Variants in AGBL1 observed in about 807,000 individuals in gnomAD.
AGBL1 encodes AGBL carboxypeptidase 1.
AGBL1 carries 130 observed loss-of-function variants against 118.9 expected under a neutral mutation model. That is an observed-to-expected ratio of 1.09 (90% CI 0.95 to 1.26). The LOEUF is 1.26. Ranked by LOEUF, AGBL1 falls within the 50% of genes most tolerant of loss-of-function variation. AGBL1 has a pLI of 0.00. For synonymous variants in AGBL1, 555 were observed against 478.9 expected (o/e 1.16, Z -2.08); for missense variants, 1,584 against 1,298.1 (o/e 1.22, Z -3.38).
chr15:86,944,917 A>C (rs557141685), intron 23 of AGBL1, among the ~76,000 whole-genome samples: 1 of 152,162 alleles, frequency 6.6e-6, no homozygotes, highest in African/African-American at 2.4e-5. Context: ...CAGTAGGACA[A>C]CGGCTGTAAA....
chr15:86,178,558 C>A lies in AGBL1; in HGVS notation c.488+19532C>A, dbSNP rs534119303. Among the ~76,000 whole-genome samples the A allele has an allele frequency of 2.6e-5, 4 of 152,244 alleles. No homozygotes were observed. The East Asian group carries it at 7.7e-4, about 29-fold the overall frequency. ...AAGAAGAAAAAGATAACCTATATAG[C>A]CCTATATTTGGTAATTGAATTGAAT... On this transcript the variant is annotated intron_variant, in intron 5 of 22. Coordinates refer to ENST00000614907, the MANE Select transcript of AGBL1 (RefSeq NM_001386094.1).
intron 16 of AGBL1, among the ~76,000 whole-genome samples, chr15:86,291,846 C>A (rs1280134365): frequency 1.3e-5 from 2 of 152,176 alleles, no homozygotes; most frequent in African/African-American, 4.8e-5. Context: ...TGCATCTCAT[C>A]AATACCTGAT....
intron 13 of AGBL1, among the ~76,000 whole-genome samples, chr15:86,269,019 G>C (rs970311744): frequency 6.6e-6 from 1 of 152,188 alleles, no homozygotes; most frequent in Admixed American, 6.5e-5. Context: ...TGCTAGTTCT[G>C]TTGCTAGAGA....
intron 18 of AGBL1, among the ~76,000 whole-genome samples, chr15:86,450,512 C>A (rs1372119620): frequency 6.6e-6 from 1 of 152,190 alleles, no homozygotes; most frequent in African/African-American, 2.4e-5. Flanking sequence ...CTTCCTGTCT[C>A]CTAGATTCAA....
At chr15:86,986,474 T>G (rs924739965) in intron 23 of AGBL1, among the ~76,000 whole-genome samples, 1 of 152,226 alleles carries the variant, frequency 6.6e-6, no homozygotes, top group African/African-American at 2.4e-5. Context: ...TTCAAACTTG[T>G]AGTCATTGTA....
Position 86,567,282 on chromosome 15 carries a change from A to G in AGBL1, c.2994+12745A>G, listed in dbSNP as rs74026903. On this transcript the variant is annotated intron_variant, in intron 21 of 22. Coordinates refer to ENST00000614907, the MANE Select transcript of AGBL1 (RefSeq NM_001386094.1). ...TTGGCTTTCATAGACACTAATATCCATATACCTGTATTTATAGGCTTAGCT... is the reference window on the plus strand; with the variant it reads ...TTGGCTTTCATAGACACTAATATCCGTATACCTGTATTTATAGGCTTAGCT... Among the ~76,000 whole-genome samples the G allele has an allele frequency of 4.7e-3, 722 of 152,328 alleles. 2 individuals are homozygous for G. Among genetic ancestry groups the G allele is most frequent in the African/African-American group, 0.016 (667 of 41,566 alleles).
At chr15:86,702,127 A>G (rs2086370982) in intron 22 of AGBL1, among the ~76,000 whole-genome samples, 1 of 152,100 alleles carries the variant, frequency 6.6e-6, no homozygotes, top group Non-Finnish European at 1.5e-5. Context: ...ATATTAAACA[A>G]ATGTAAATAT....
intron 22 of AGBL1, among the ~76,000 whole-genome samples, chr15:86,760,590 C>T (rs112546795): frequency 7.9e-5 from 12 of 152,158 alleles, no homozygotes; most frequent in African/African-American, 2.2e-4. Flanking sequence ...ACCAAATGAT[C>T]GATAACTTGG....
intron 18 of AGBL1, among the ~76,000 whole-genome samples, chr15:86,474,120 T>C (rs934769084): frequency 3.3e-5 from 5 of 152,166 alleles, no homozygotes; most frequent in African/African-American, 9.7e-5. Flanking sequence ...CAAATAGGAA[T>C]AGCTCAAGTC....
At chr15:86,878,413 T>C (rs2079844456) in intron 22 of AGBL1, among the ~76,000 whole-genome samples, 2 of 152,170 alleles carry the variant, frequency 1.3e-5, no homozygotes, top group South Asian at 4.1e-4. Context: ...TGTTGCAGAA[T>C]GTAGTTGGCT....
chr15:86,306,163 A>G (rs1236363370), intron 17 of AGBL1, among the ~76,000 whole-genome samples: 1 of 152,180 alleles, frequency 6.6e-6, no homozygotes, highest in Non-Finnish European at 1.5e-5. Context: ...TGAGTTACAA[A>G]TAATCTAGTT....
At chr15:86,640,698 T>C (rs544578400) in intron 21 of AGBL1, among the ~76,000 whole-genome samples, 1 of 152,310 alleles carries the variant, frequency 6.6e-6, no homozygotes, top group South Asian at 2.1e-4. Context: ...GATTTGGTAA[T>C]AAGTCATTGT....
chr15:86,126,752 G>A lies in AGBL1; in HGVS notation c.52-15252G>A, dbSNP rs189676295. On this transcript the variant is annotated intron_variant, in intron 1 of 22. Transcript: ENST00000614907. ...CCTAGGGCATAGGGAAAGATAAATA[G>A]GATGCCTAATTTTCTTCCAAACTGC... 4.8e-4 allele frequency among the ~76,000 whole-genome samples: 73 copies of A among 152,286 alleles called. 2 individuals carry two copies. The highest frequency in any genetic ancestry group is 4.2e-3 in the East Asian group (22 of 5,182).
At chr15:86,257,855 C>T (rs1284934631) in intron 8 of AGBL1, 109 bp from the exon 9 acceptor site, 9 of 1,020,178 alleles carry the variant, frequency 8.8e-6, no homozygotes, top group Non-Finnish European at 1.2e-5. Flanking sequence ...ATATTGGGCC[C>T]CTTATTTGAG....
chr15:86,453,797 AC>A (rs2082227295), intron 18 of AGBL1, among the ~76,000 whole-genome samples: 1 of 152,090 alleles, frequency 6.6e-6, no homozygotes, highest in Admixed American at 6.5e-5. Flanking sequence ...CACCGACAAA[AC>A]CCCAGCCTTA....
chr15:86,135,674 G>C (rs2076879805), intron 1 of AGBL1, among the ~76,000 whole-genome samples: 1 of 152,168 alleles, frequency 6.6e-6, no homozygotes, highest in Admixed American at 6.5e-5. Context: ...AGGGCAAGAG[G>C]AATGAGTCAA....
intron 1 of AGBL1, among the ~76,000 whole-genome samples, chr15:86,113,386 C>G (rs1247734729): frequency 6.7e-6 from 1 of 148,960 alleles, no homozygotes; most frequent in Non-Finnish European, 1.5e-5. Context: ...CTCCTGGGTT[C>G]AAGCAATTCT....
At chr15:86,675,338 C>G (rs576189012) in intron 22 of AGBL1, among the ~76,000 whole-genome samples, 1 of 152,238 alleles carries the variant, frequency 6.6e-6, no homozygotes, top group South Asian at 2.1e-4. Context: ...TCCTCCTGTT[C>G]CTGTTAGGTG....
At chr15:86,175,476 AT>A (rs1259783264) in intron 5 of AGBL1, among the ~76,000 whole-genome samples, 2 of 151,252 alleles carry the variant, frequency 1.3e-5, no homozygotes, top group African/African-American at 4.9e-5. Context: ...GATCCTTTGT[AT>A]TTTTTTAGTC....
Sources: allele counts gnomAD v4.1 joint callset (sites outside exome capture counted in the v4.1 genomes callset), GRCh38; gene constraint gnomAD v4.1.1; transcripts MANE v1.5; gene names NCBI Gene and HGNC (gene_info 2026-07-23, HGNC 2026-07-21).